The following BRINP1 variants were observed in gnomAD, a reference collection of about 807,000 sequenced individuals.
BRINP1 encodes BMP/retinoic acid inducible neural specific 1.
A neutral mutation model predicts 72.9 loss-of-function variants in BRINP1; 17 were observed. The ratio of observed to expected loss-of-function variants is 0.23; its 90% confidence interval spans 0.16 to 0.35. The LOEUF (loss-of-function observed/expected upper bound fraction) is 0.35. Among genes scored for constraint, BRINP1 ranks in the 10% least tolerant of loss-of-function variants. The probability of loss-of-function intolerance (pLI) is 1.00; values close to 1 mark genes in which losing one functional copy is unlikely to be tolerated. For missense variants in BRINP1, 850 were observed against 1,001.6 expected, an observed-to-expected ratio of 0.85 and a Z score of 2.04; for synonymous variants, 418 against 378.5, an observed-to-expected ratio of 1.10 and a Z score of -1.21.
At chr9:119,364,177 T>C (rs2119046470) in intron 1 of BRINP1, among the ~76,000 whole-genome samples, 1 of 152,284 alleles carries the variant, frequency 6.6e-6, no homozygotes, top group Non-Finnish European at 1.5e-5. Context: ...AAGAAAACTG[T>C]TGTGAAATAA....
chr9:119,172,635 G>A (rs867077698), intron 7 of BRINP1, among the ~76,000 whole-genome samples: 7,970 of 151,140 alleles, frequency 0.053, 264 homozygotes, highest in Middle Eastern at 0.075. Context: ...ATTTTATGAG[G>A]CCAGCATCAT....
At chr9:119,315,336 T>A (rs76625700) in intron 1 of BRINP1, among the ~76,000 whole-genome samples, 6,147 of 152,200 alleles carry the variant, frequency 0.04, 413 homozygotes, top group African/African-American at 0.14. Context: ...CACACTTTTT[T>A]ATTATTATTG....
intron 6 of BRINP1, 55 bp downstream of exon 6, chr9:119,213,864 C>T: frequency 1.4e-6 from 2 of 1,479,626 alleles, no homozygotes; most frequent in Non-Finnish European, 1.9e-6. Flanking sequence ...GATTAGCTCC[C>T]TTTCAGACTT....
intron 7 of BRINP1, 83 bp from the exon 8 acceptor site, chr9:119,168,307 T>A: frequency 8.8e-7 from 1 of 1,136,166 alleles, no homozygotes; most frequent in Non-Finnish European, 1.2e-6. Flanking sequence ...TAATGCGAAC[T>A]GGAGCTGCCA....
intron 2 of BRINP1, among the ~76,000 whole-genome samples, chr9:119,262,203 C>T (rs1830503087): frequency 6.6e-6 from 1 of 152,038 alleles, no homozygotes; most frequent in Non-Finnish European, 1.5e-5. Flanking sequence ...TGCTTTCAAC[C>T]CAAAAATCTC....
intron 4 of BRINP1, among the ~76,000 whole-genome samples, chr9:119,240,815 C>T (rs977922303): frequency 5.3e-5 from 8 of 152,166 alleles, no homozygotes; most frequent in African/African-American, 1.9e-4. Context: ...GGTAAGACCC[C>T]TTGGCCTTAT....
intron 2 of BRINP1, among the ~76,000 whole-genome samples, chr9:119,305,801 A>G (rs1254370993): frequency 1.3e-5 from 2 of 152,214 alleles, no homozygotes; most frequent in Non-Finnish European, 2.9e-5. Flanking sequence ...CAAAGAGACC[A>G]TGAATTCCTT....
intron 2 of BRINP1, among the ~76,000 whole-genome samples, chr9:119,312,414 T>C (rs1026099985): frequency 6.6e-6 from 1 of 152,182 alleles, no homozygotes; most frequent in African/African-American, 2.4e-5. Flanking sequence ...TATACAAGAA[T>C]GCACTCTGAT....
rs568086567 is a variant in BRINP1 at position 119,169,151 on chromosome 9, T to A, written c.1146-927A>T. ...GCCAAGATGGCCTAATAGGAACAGCTCCAGTCTACAGCTCCCAGCGTGAGC... is the reference window on the plus strand; with the variant it reads ...GCCAAGATGGCCTAATAGGAACAGCACCAGTCTACAGCTCCCAGCGTGAGC... On this transcript the variant is annotated intron_variant, in intron 7 of 7. Coordinates refer to ENST00000265922, the MANE Select transcript of BRINP1 (RefSeq NM_014618.3). Among the ~76,000 whole-genome samples, 5 of 152,286 alleles carry A rather than the reference T, an allele frequency of 3.3e-5. No homozygotes were observed. In the East Asian group the frequency reaches 9.7e-4, roughly 29 times the overall value.
At chr9:119,200,975 G>T (rs1055721448) in intron 7 of BRINP1, among the ~76,000 whole-genome samples, 3 of 152,188 alleles carry the variant, frequency 2.0e-5, no homozygotes, top group African/African-American at 7.2e-5. Flanking sequence ...GAACTGTCCT[G>T]TCACTGAGAG....
intron 5 of BRINP1, among the ~76,000 whole-genome samples, chr9:119,215,876 A>C (rs1422342830): frequency 6.6e-6 from 1 of 152,150 alleles, no homozygotes; most frequent in Admixed American, 6.5e-5. Flanking sequence ...TGTGGTCAAA[A>C]ACCTGGGCAG....
chr9:119,259,442 A>T (rs1259119661), intron 2 of BRINP1, among the ~76,000 whole-genome samples: 1 of 152,230 alleles, frequency 6.6e-6, no homozygotes, highest in Non-Finnish European at 1.5e-5. Context: ...ATAACTTTTA[A>T]TGGATAGTTT....
intron 5 of BRINP1, among the ~76,000 whole-genome samples, chr9:119,220,422 T>C (rs1480763315): frequency 6.6e-6 from 1 of 152,156 alleles, no homozygotes; most frequent in Non-Finnish European, 1.5e-5. Context: ...AAGCTGAAGG[T>C]GAACCTAAGA....
At chr9:119,343,562 T>C (rs1831424010) in intron 1 of BRINP1, among the ~76,000 whole-genome samples, 1 of 152,198 alleles carries the variant, frequency 6.6e-6, no homozygotes, top group Non-Finnish European at 1.5e-5. Flanking sequence ...AAGGAGTTCT[T>C]GTATCTAGAA....
intron 4 of BRINP1, among the ~76,000 whole-genome samples, chr9:119,239,955 C>T (rs546074190): frequency 6.6e-5 from 10 of 152,070 alleles, no homozygotes; most frequent in South Asian, 6.2e-4. Context: ...AAAACTTCTC[C>T]GCCCGGGTTA....
chr9:119,208,696 G>A, intron 7 of BRINP1, 23 bp downstream of exon 7: 3 of 1,604,154 alleles, frequency 1.9e-6, no homozygotes, highest in Non-Finnish European at 2.6e-6. Context: ...GCCTGCAGAG[G>A]TGGAGGTGGT....
chr9:119,219,655 G>C (rs1830017768), intron 5 of BRINP1, among the ~76,000 whole-genome samples: 1 of 32,696 alleles, frequency 3.1e-5, no homozygotes, highest in East Asian at 1.7e-3. Flanking sequence ...CTGAGAGAGA[G>C]AGAGAGAGAG....
intron 3 of BRINP1, among the ~76,000 whole-genome samples, chr9:119,245,781 C>G (rs1478160991): frequency 6.6e-6 from 1 of 152,120 alleles, no homozygotes; most frequent in African/African-American, 2.4e-5. Context: ...CCTGACATGT[C>G]GAAGAGTTTA....
intron 1 of BRINP1, among the ~76,000 whole-genome samples, chr9:119,365,854 G>C (rs1320842178): frequency 3.3e-5 from 5 of 152,040 alleles, no homozygotes; most frequent in Non-Finnish European, 5.9e-5. Flanking sequence ...CCCCTTCTGG[G>C]AGCTAAAGTG....
Sources: gnomAD v4.1 joint callset for allele counts (sites outside exome capture counted in the v4.1 genomes callset) on GRCh38, gnomAD v4.1.1 for gene constraint, MANE v1.5 for transcripts, NCBI Gene and HGNC (gene_info 2026-07-23, HGNC 2026-07-21) for gene names.